Variants in HMGCS2 observed in about 807,000 individuals in gnomAD.
HMGCS2 encodes hydroxymethylglutaryl-CoA synthase, mitochondrial.
Under a neutral mutation model 57.4 loss-of-function variants are expected in HMGCS2, and 50 were observed. The observed-to-expected ratio is 0.87, with a 90% CI of 0.69 to 1.10. HMGCS2 has a LOEUF of 1.10. HMGCS2 is among the 50% of genes least tolerant of loss of function. HMGCS2 has a pLI of 0.00. For synonymous variants in HMGCS2, 254 were observed against 245.1 expected, an observed-to-expected ratio of 1.04 and a Z score of -0.34; for missense variants, 627 against 636.5, an observed-to-expected ratio of 0.99 and a Z score of 0.16.
rs587749185 is a variant in HMGCS2 at position 119,754,150 on chromosome 1, G to A, written c.1188-764C>T. ...CAGCTCACTGCAACTTCTGCCTCCC[G>A]GGTTCAAGCAATTCTCATGCCTCAG... On this transcript the variant is annotated intron_variant, in intron 6 of 9. Transcript: ENST00000369406. Among the ~76,000 whole-genome samples, 234 of 151,610 alleles carry A rather than the reference G, an allele frequency of 1.5e-3. 3 individuals are homozygous for A. Among genetic ancestry groups the A allele is most frequent in the African/African-American group, 4.7e-3 (193 of 41,250 alleles).
intron 6 of HMGCS2, among the ~76,000 whole-genome samples, chr1:119,754,204 G>T (rs896463014): frequency 2.6e-5 from 4 of 152,118 alleles, no homozygotes; most frequent in Admixed American, 2.6e-4. Flanking sequence ...CTACAGGCAC[G>T]TACCACCATG....
intron 4 of HMGCS2, among the ~76,000 whole-genome samples, chr1:119,757,705 T>C (rs1393313302): frequency 6.6e-6 from 1 of 152,222 alleles, no homozygotes; most frequent in African/African-American, 2.4e-5. Flanking sequence ...CCTTGTGTTA[T>C]ATAATTTTCT....
chr1:119,768,841 G>C lies in HMGCS2; in HGVS notation c.4C>G (p.Gln2Glu). ...CGCTTCACTGGAGTCAACAGACGCTGCATCTCCAGAGGAGCAAGCAGAAAC... is the reference window on the plus strand; with the variant it reads ...CGCTTCACTGGAGTCAACAGACGCTCCATCTCCAGAGGAGCAAGCAGAAAC... The part of the protein sequence containing the change: M[Q>E]RLLTPVKRIL... Residue 2 changes from glutamine to glutamate, a missense_variant, in exon 1 of 10, where the codon CAG (glutamine) becomes GAG (glutamate). Transcript: ENST00000369406. 1 of 1,611,952 alleles carries C rather than the reference G, an allele frequency of 6.2e-7. No homozygotes were observed. Among genetic ancestry groups the C allele is most frequent in the Non-Finnish European group, 8.5e-7 (1 of 1,178,192 alleles).
chr1:119,755,407 G>C lies in HMGCS2; in HGVS notation c.1187+20C>G. ...GCTGAGGGTGTGCATGGAGGACATG[G>C]AGCCAGATGCAGTACTCACTGGGAC... is the stretch of plus-strand genomic sequence containing the variant. On this transcript the variant is annotated intron_variant, in intron 6 of 9. Transcript: ENST00000369406. 6.2e-7 allele frequency: 1 copy of C among 1,613,002 alleles called. No individual in the cohort carries two copies. The highest frequency in any genetic ancestry group is 8.5e-7 in the Non-Finnish European group (1 of 1,179,160).
In HMGCS2 at chr1:119,759,934, A is replaced by C; in HGVS notation, c.615T>G (p.Ala205=). 1 of 1,614,078 alleles carries C rather than the reference A, an allele frequency of 6.2e-7. No individual in the cohort carries two copies. The highest frequency in any genetic ancestry group is 8.5e-7 in the Non-Finnish European group (1 of 1,179,924). Residue 205 remains alanine, a synonymous_variant, in exon 3 of 10, where the codon GCT becomes GCG. Coordinates refer to ENST00000369406, the MANE Select transcript of HMGCS2 (RefSeq NM_005518.4). ...CAGCTCCGGCCCCACCTGTGGGACG[A>C]GCATTACCACTGGGATAGACGGCAA... is the stretch of plus-strand genomic sequence containing the variant. ...GDIAVYPSGN[A]RPTGGAGAVA... is the part of the protein sequence containing the mutation.
At chr1:119,753,216 A>G (rs79911180) in intron 7 of HMGCS2, 64 bp downstream of exon 7, 127 of 960,310 alleles carry the variant, frequency 1.3e-4, no homozygotes, top group Non-Finnish European at 1.9e-4. Flanking sequence ...AATGGTGGGG[A>G]AGAAGATGGT....
At chr1:119,751,947 T>C (rs587768334) in intron 8 of HMGCS2, among the ~76,000 whole-genome samples, 18 of 152,352 alleles carry the variant, frequency 1.2e-4, no homozygotes, top group Non-Finnish European at 5.9e-5. Flanking sequence ...CTAATCACTC[T>C]AGTATTACCT....
chr1:119,749,745 T>C (rs1319444115), intron 9 of HMGCS2, among the ~76,000 whole-genome samples: 1 of 152,062 alleles, frequency 6.6e-6, no homozygotes, highest in East Asian at 1.9e-4. Context: ...CCCACTGACT[T>C]CTTCCTTCCC....
At chr1:119,759,330 C>G in intron 3 of HMGCS2, 48 bp from the exon 4 acceptor site, 2 of 1,576,666 alleles carry the variant, frequency 1.3e-6, no homozygotes, top group Non-Finnish European at 1.7e-6. Flanking sequence ...TGCAGCCTAC[C>G]TTGAGCACAA....
At chr1:119,752,870 G>A (rs1321960277) in intron 7 of HMGCS2, among the ~76,000 whole-genome samples, 196 bp from the exon 8 acceptor site, 4 of 152,180 alleles carry the variant, frequency 2.6e-5, no homozygotes, top group Non-Finnish European at 5.9e-5. Flanking sequence ...CACTGATTTG[G>A]TCAAGGTGTA....
chr1:119,767,517 C>G (rs1393566426), intron 1 of HMGCS2, among the ~76,000 whole-genome samples: 1 of 152,164 alleles, frequency 6.6e-6, no homozygotes, highest in Non-Finnish European at 1.5e-5. Flanking sequence ...ATTTTGAAGA[C>G]AGCAAAGCAG....
At position 119,750,972 on chromosome 1, in the gene HMGCS2, A is replaced by C. The variant is rs1362428765; in HGVS notation, c.1421-64T>G. ...TATATGAGTTTTTGGAAGAGAAAAT[A>C]GTAATGAAGATGTCTGCCCCTTCAC... On this transcript the variant is annotated intron_variant, in intron 8 of 9. Transcript: ENST00000369406. 3 of 989,162 alleles carry C rather than the reference A, an allele frequency of 3.0e-6. No homozygotes were observed. In the African/African-American group the frequency reaches 4.8e-5, roughly 16 times the overall value. 61.3% of individuals were successfully genotyped at this position (989,162 alleles called of 1,614,324 possible).
chr1:119,749,006 C>G (rs995721912), intron 9 of HMGCS2, among the ~76,000 whole-genome samples, 165 bp from the exon 10 acceptor site: 1 of 152,222 alleles, frequency 6.6e-6, no homozygotes, highest in Non-Finnish European at 1.5e-5. Context: ...CCTGAGGGAT[C>G]TGTGCCCAAT....
chr1:119,759,796 A>C, intron 3 of HMGCS2, 68 bp downstream of exon 3: 2 of 1,588,786 alleles, frequency 1.3e-6, no homozygotes, highest in Admixed American at 1.7e-5. Flanking sequence ...AGGTGTGCCA[A>C]TGTGGGATTA....
Position 119,768,880 on chromosome 1 carries a change from A to C in HMGCS2, c.-36T>G, listed in dbSNP as rs768747562. 10 of 1,492,586 alleles carry C rather than the reference A, an allele frequency of 6.7e-6. No individual in the cohort carries two copies. In the Admixed American group the frequency reaches 1.5e-4, roughly 23 times the overall value. 92.5% of individuals were successfully genotyped at this position (1,492,586 alleles called of 1,614,324 possible). A position where few individuals can be genotyped will look rare whatever the true frequency, so the allele number is the denominator to read the frequency against. On this transcript the variant is annotated 5_prime_UTR_variant, in exon 1 of 10. Transcript: ENST00000369406. ...GCAAGCAGAAACCCAGCAGTTCAGAAACCCAGCAGAAACCTTGAAAGAGAT... is the reference window on the plus strand; with the variant it reads ...GCAAGCAGAAACCCAGCAGTTCAGACACCCAGCAGAAACCTTGAAAGAGAT...
intron 4 of HMGCS2, among the ~76,000 whole-genome samples, chr1:119,758,691 T>G (rs1652930925): frequency 6.6e-6 from 1 of 152,226 alleles, no homozygotes; most frequent in African/African-American, 2.4e-5. Flanking sequence ...CACTTCAGCA[T>G]ATAGAAAATA....
In HMGCS2 at chr1:119,759,781, G is replaced by A; in HGVS notation, c.685+83C>T. ...CCTCAAACGCATACCTCAGCCCTGA[G>A]TAGCAGGTGTGCCAATGTGGGATTA... On this transcript the variant is annotated intron_variant, in intron 3 of 9. Coordinates refer to ENST00000369406, the MANE Select transcript of HMGCS2 (RefSeq NM_005518.4). The A allele has an allele frequency of 5.2e-6, 8 of 1,534,010 alleles. No individual in the cohort carries two copies. In the South Asian group the frequency reaches 5.6e-5, roughly 11 times the overall value.
intron 6 of HMGCS2, among the ~76,000 whole-genome samples, chr1:119,754,232 T>G (rs1237362730): frequency 6.6e-6 from 1 of 152,136 alleles, no homozygotes; most frequent in African/African-American, 2.4e-5. Context: ...GATGTTTGTA[T>G]TTTTAGTAGA....
In HMGCS2 at chr1:119,752,622, T is replaced by C; in HGVS notation, c.1347A>G (p.Leu449=). ...CAGGAGACACACACTTTCGGGAGGCTAGGCGTTTTGGCAGGTCTGATGTGC... is the reference window on the plus strand; with the variant it reads ...CAGGAGACACACACTTTCGGGAGGCCAGGCGTTTTGGCAGGTCTGATGTGC... ...VSSTSDLPKR[L]ASRKCVSPEE... is the part of the protein sequence containing the mutation. Residue 449 remains leucine (L), a synonymous_variant, in exon 8 of 10, where the codon CTA becomes CTG. Transcript: ENST00000369406. 1 of 1,614,154 alleles carries C rather than the reference T, an allele frequency of 6.2e-7. No homozygotes were observed. The highest frequency in any genetic ancestry group is 8.5e-7 in the Non-Finnish European group (1 of 1,179,982).
Sources: allele counts gnomAD v4.1 joint callset (sites outside exome capture counted in the v4.1 genomes callset), GRCh38; gene constraint gnomAD v4.1.1; transcripts MANE v1.5; gene names NCBI Gene and HGNC (gene_info 2026-07-23, HGNC 2026-07-21).